The following MYO16 variants were observed in gnomAD, a reference collection of about 807,000 sequenced individuals.
MYO16 encodes unconventional myosin-XVI.
MYO16 carries 94 observed loss-of-function variants against 205.3 expected under a neutral mutation model. The ratio of observed to expected loss-of-function variants is 0.46; its 90% CI spans 0.39 to 0.54. The LOEUF (loss-of-function observed/expected upper bound fraction) is 0.54, where lower values mean the gene tolerates loss of function less well. Among genes scored for constraint, MYO16 ranks in the 20% least tolerant of loss-of-function variants. The pLI is 0.00. For synonymous variants in MYO16, 988 were observed against 954.0 expected, an observed-to-expected ratio of 1.04 and a Z score of -0.66; for missense variants, 2,315 against 2,387.5, an observed-to-expected ratio of 0.97 and a Z score of 0.63.
chr13:108,592,180 G>T (rs1427222635), upstream of MYO16, among the ~76,000 whole-genome samples: 1 of 112,652 alleles, frequency 8.9e-6, no homozygotes, highest in Non-Finnish European at 1.9e-5. Flanking sequence ...AGGGGTGTGT[G>T]GGGTATGGAG....
intron 1 of MYO16, among the ~76,000 whole-genome samples, chr13:108,608,758 T>C (rs909161854): frequency 4.6e-5 from 7 of 152,038 alleles, no homozygotes; most frequent in African/African-American, 1.7e-4. Flanking sequence ...TTCTCCTGCC[T>C]TGGCCTCCCG....
At chr13:109,122,241 A>AAT (rs2139764258) in intron 29 of MYO16, among the ~76,000 whole-genome samples, 1 of 152,312 alleles carries the variant, frequency 6.6e-6, no homozygotes, top group Admixed American at 6.5e-5. Context: ...ACTTCCCTTA[A>AAT]ATATAATGAT....
At chr13:108,730,956 A>G (rs545304232) in intron 4 of MYO16, among the ~76,000 whole-genome samples, 4 of 152,262 alleles carry the variant, frequency 2.6e-5, no homozygotes, top group Admixed American at 2.6e-4. Flanking sequence ...ATTTCATCCC[A>G]TTACGAATAT....
chr13:109,160,788 T>C (rs968026118), intron 32 of MYO16, among the ~76,000 whole-genome samples: 3 of 152,222 alleles, frequency 2.0e-5, no homozygotes, highest in African/African-American at 7.2e-5. Flanking sequence ...TTGCACTGTA[T>C]TATTTCTAAA....
At chr13:109,031,096 TTTTGATTTGA>T (rs555474084) in intron 23 of MYO16, among the ~76,000 whole-genome samples, 4 of 152,124 alleles carry the variant, frequency 2.6e-5, no homozygotes, top group Non-Finnish European at 5.9e-5. Context: ...TTTTGTTTTG[TTTTGATTTGA>T]TTTTTGAGAT....
At chr13:108,898,913 T>G (rs67777269) in intron 15 of MYO16, among the ~76,000 whole-genome samples, 12,391 of 152,208 alleles carry the variant, frequency 0.081, 930 homozygotes, top group East Asian at 0.43. Context: ...TTTAAAAAAC[T>G]TTTACAACAG....
chr13:109,007,153 C>T (rs1223922056), intron 21 of MYO16, among the ~76,000 whole-genome samples: 1 of 152,098 alleles, frequency 6.6e-6, no homozygotes, highest in Non-Finnish European at 1.5e-5. Flanking sequence ...CTTTGGGAGG[C>T]CAAGGCGGGT....
At chr13:108,802,791 G>A (rs750345986) in intron 6 of MYO16, among the ~76,000 whole-genome samples, 1 of 152,134 alleles carries the variant, frequency 6.6e-6, no homozygotes, top group Non-Finnish European at 1.5e-5. Context: ...ATATTTCATT[G>A]TAGTTTTAAT....
rs1375711559 is a variant in MYO16, at chr13:108,771,396, A to C, written c.508-14239A>C. Among the ~76,000 whole-genome samples the C allele has an allele frequency of 2.6e-5, 4 of 152,118 alleles. No homozygotes were observed. The South Asian group carries it at 8.3e-4, about 32-fold the overall frequency. On this transcript the variant is annotated intron_variant, in intron 4 of 34. Transcript: ENST00000457511. Reference sequence around the variant, plus strand: ...CAGCAAAATTTGAGAGAAATTTCACACGTGCTCCCTGACCCCACACACGCA... The same window carrying C: ...CAGCAAAATTTGAGAGAAATTTCACCCGTGCTCCCTGACCCCACACACGCA...
the MYO16 span, among the ~76,000 whole-genome samples, chr13:108,581,183 A>G: frequency 6.6e-6 from 1 of 152,194 alleles, no homozygotes; most frequent in Non-Finnish European, 1.5e-5. Context: ...AAGCGATATA[A>G]GAACTTATTA....
chr13:109,175,837 T>A (rs1204158188), intron 33 of MYO16, among the ~76,000 whole-genome samples: 2 of 114,342 alleles, frequency 1.7e-5, no homozygotes, highest in Non-Finnish European at 3.4e-5. Context: ...ATTGGAGTCT[T>A]CACCCTGGTT....
rs1884532773 is a variant in MYO16 at position 108,983,768 on chromosome 13, C to T, written c.2370-8608C>T. On this transcript the variant is annotated intron_variant, in intron 20 of 34. Transcript: ENST00000457511. ...ATTCTTAATTGTTAAGACTGAAGGG[C>T]ATGGTGAGGCTTTACAGGACTTTCT... 2.6e-5 allele frequency among the ~76,000 whole-genome samples: 4 copies of T among 152,104 alleles called. No individual in the cohort carries two copies. In the South Asian group the frequency reaches 8.3e-4, roughly 32 times the overall value.
chr13:108,647,504 C>T (rs1376487853), intron 1 of MYO16, among the ~76,000 whole-genome samples: 1 of 152,098 alleles, frequency 6.6e-6, no homozygotes, highest in African/African-American at 2.4e-5. Flanking sequence ...AACTTTTCAC[C>T]CTTATGTATC....
rs190471395 is a variant in MYO16 at position 109,086,552 on chromosome 13, T to A, written c.3336-14233T>A. Among the ~76,000 whole-genome samples the A allele has an allele frequency of 1.8e-3, 281 of 152,340 alleles. 1 individual carries two copies. The highest frequency in any genetic ancestry group is 4.0e-3 in the Admixed American group (61 of 15,312). ...TTTTGAATTTTGATCTTCATTACCATTATTAGTGCCTATCAGTGAATGATA... is the reference window on the plus strand; with the variant it reads ...TTTTGAATTTTGATCTTCATTACCAATATTAGTGCCTATCAGTGAATGATA... On this transcript the variant is annotated intron_variant, in intron 27 of 34. Transcript: ENST00000457511.
chr13:108,532,762 G>T, the MYO16 span, among the ~76,000 whole-genome samples: 1 of 152,020 alleles, frequency 6.6e-6, no homozygotes, highest in Non-Finnish European at 1.5e-5. Context: ...CTGCACTCCA[G>T]ACTGGATGAT....
intron 27 of MYO16, among the ~76,000 whole-genome samples, chr13:109,082,055 T>C (rs1170113092): frequency 6.6e-6 from 1 of 152,248 alleles, no homozygotes; most frequent in Admixed American, 6.5e-5. Context: ...AAGCAGTTGC[T>C]ATCTGGCTCT....
At chr13:109,138,458 A>C (rs1226034188) in intron 31 of MYO16, among the ~76,000 whole-genome samples, 1 of 152,180 alleles carries the variant, frequency 6.6e-6, no homozygotes, top group Non-Finnish European at 1.5e-5. Flanking sequence ...AGCATTAGAA[A>C]AAGAAGTCTT....
intron 4 of MYO16, among the ~76,000 whole-genome samples, chr13:108,751,524 T>A (rs1885238450): frequency 6.6e-6 from 1 of 152,182 alleles, no homozygotes; most frequent in Non-Finnish European, 1.5e-5. Context: ...TTCTACATCC[T>A]CAGAGAATTT....
At chr13:108,797,522 G>A (rs1327460328) in intron 6 of MYO16, among the ~76,000 whole-genome samples, 2 of 152,192 alleles carry the variant, frequency 1.3e-5, no homozygotes, top group Non-Finnish European at 2.9e-5. Context: ...AAAACTTTGA[G>A]GAAGCAGGAG....
Sources: gnomAD v4.1 joint callset for allele counts (sites outside exome capture counted in the v4.1 genomes callset) on GRCh38, gnomAD v4.1.1 for gene constraint, MANE v1.5 for transcripts, NCBI Gene and HGNC (gene_info 2026-07-23, HGNC 2026-07-21) for gene names.